The following BCAT1 variants were observed in gnomAD, a reference collection of about 807,000 sequenced individuals.
BCAT1 encodes branched-chain-amino-acid aminotransferase, cytosolic.
Under a neutral mutation model 52.4 loss-of-function variants are expected in BCAT1, and 48 were observed. That is an observed-to-expected ratio of 0.92 (90% CI 0.73 to 1.16). BCAT1 has a LOEUF of 1.16. BCAT1 is among the 50% of genes most tolerant of loss of function. The pLI is 0.00. For synonymous variants in BCAT1, 167 were observed against 161.3 expected, an observed-to-expected ratio of 1.04 and a Z score of -0.27; for missense variants, 451 against 457.1, an observed-to-expected ratio of 0.99 and a Z score of 0.12.
At chr12:24,877,747 A>C (rs886924551) in intron 5 of BCAT1, among the ~76,000 whole-genome samples, 1 of 152,200 alleles carries the variant, frequency 6.6e-6, no homozygotes, top group Non-Finnish European at 1.5e-5. Context: ...GAGGCACTGC[A>C]CTTGTAAACT....
intron 1 of BCAT1, among the ~76,000 whole-genome samples, chr12:24,931,296 G>A (rs1776479199): frequency 6.6e-6 from 1 of 152,078 alleles, no homozygotes; most frequent in African/African-American, 2.4e-5. Flanking sequence ...TAACATTGAT[G>A]AGATCTTTCT....
At chr12:24,910,190 A>G (rs1157693782) in intron 1 of BCAT1, among the ~76,000 whole-genome samples, 4 of 152,082 alleles carry the variant, frequency 2.6e-5, no homozygotes, top group Admixed American at 6.6e-5. Flanking sequence ...CCTGGCCAAC[A>G]TGGTGAAACC....
intron 1 of BCAT1, chr12:24,903,332 C>A: frequency 3.7e-6 from 1 of 273,566 alleles, no homozygotes. Context: ...GTTTATTAAA[C>A]AACCTCTAGG....
chr12:24,936,386 C>T, intron 1 of BCAT1, among the ~76,000 whole-genome samples: 1 of 152,196 alleles, frequency 6.6e-6, no homozygotes, highest in East Asian at 1.9e-4. Flanking sequence ...GCGTGCACCA[C>T]CACACCTGGC....
intron 1 of BCAT1, among the ~76,000 whole-genome samples, chr12:24,937,657 C>T (rs531464140): frequency 2.6e-5 from 4 of 152,090 alleles, no homozygotes; most frequent in African/African-American, 9.7e-5. Flanking sequence ...GATTACAGTG[C>T]TGGGGCTGTG....
chr12:24,940,971 C>T (rs1025768201), intron 1 of BCAT1, among the ~76,000 whole-genome samples: 10 of 152,178 alleles, frequency 6.6e-5, no homozygotes, highest in Non-Finnish European at 1.5e-4. Flanking sequence ...CATTAGTTTG[C>T]TTAAAAACTG....
At chr12:24,855,957 C>G (rs903656545) in intron 5 of BCAT1, among the ~76,000 whole-genome samples, 4 of 152,120 alleles carry the variant, frequency 2.6e-5, no homozygotes, top group Non-Finnish European at 5.9e-5. Context: ...CAAATATCCC[C>G]TTCCTTAAAC....
At chr12:24,883,398 C>T (rs4522264) in intron 3 of BCAT1, among the ~76,000 whole-genome samples, 86,074 of 151,820 alleles carry the variant, frequency 0.57, 24,773 homozygotes, top group East Asian at 0.77. Context: ...CTGAGGGTAG[C>T]GGTGTAAATT....
chr12:24,934,911 G>C (rs1180353268), intron 1 of BCAT1, among the ~76,000 whole-genome samples: 2 of 152,182 alleles, frequency 1.3e-5, no homozygotes, highest in Non-Finnish European at 2.9e-5. Flanking sequence ...GATACCAGCT[G>C]CTCTGGTTCT....
intron 1 of BCAT1, among the ~76,000 whole-genome samples, chr12:24,923,245 C>T (rs1943528604): frequency 6.6e-6 from 1 of 152,170 alleles, no homozygotes; most frequent in Non-Finnish European, 1.5e-5. Flanking sequence ...TTCAAGTTCC[C>T]AGACACCAGA....
chr12:24,868,012 A>C (rs1353212758), intron 5 of BCAT1, among the ~76,000 whole-genome samples: 2 of 152,258 alleles, frequency 1.3e-5, no homozygotes, highest in Admixed American at 6.5e-5. Context: ...CTCAATAAAC[A>C]AAAACAAAAA....
chr12:24,942,539 G>A (rs747624726), intron 1 of BCAT1, among the ~76,000 whole-genome samples: 12 of 134,640 alleles, frequency 8.9e-5, no homozygotes, highest in South Asian at 5.2e-4. Context: ...ACAAGACTCC[G>A]CCTCAAAAAA....
In BCAT1 at chr12:24,840,210, A is replaced by T. The variant is rs557833787; in HGVS notation, c.817+1872T>A. ...GACAGTTTCTGGTGTTTCTGGTTAA[A>T]TCATGTAGCTCTGATTCAGAGTGTA... On this transcript the variant is annotated intron_variant, in intron 7 of 10. Transcript: ENST00000261192. Among the ~76,000 whole-genome samples the T allele has an allele frequency of 2.0e-4, 30 of 152,348 alleles. 1 individual carries two copies. In the Middle Eastern group the frequency reaches 0.014, roughly 69 times the overall value.
rs753640702 is a variant in BCAT1, at chr12:24,829,857, G to C, written c.1085C>G (p.Ala362Gly). The stretch of plus-strand genomic sequence containing the variant: ...AGTTAATTTGCTCAAGATGCGGCTT[G>C]CCAGCTTAGGACCATTCTCCATAGT... ...IPTMENGPKL[A>G]SRILSKLTDI... The change falls in exon 10 of 11, where the codon GCA becomes GGA. Residue 362 changes from alanine to glycine, a missense_variant. Physicochemically the swap from Ala to Gly is moderately conservative, Grantham distance 60. Transcript: ENST00000261192. The C allele has an allele frequency of 1.2e-6, 2 of 1,611,094 alleles. No homozygotes were observed. The highest frequency in any genetic ancestry group is 1.1e-5 in the South Asian group (1 of 90,478).
At chr12:24,824,507 C>T (rs1416843726) in intron 10 of BCAT1, among the ~76,000 whole-genome samples, 1 of 152,020 alleles carries the variant, frequency 6.6e-6, no homozygotes, top group Non-Finnish European at 1.5e-5. Flanking sequence ...ACTATGTTGC[C>T]TAGGCTCGTC....
At chr12:24,857,994 G>A (rs1260253085) in intron 5 of BCAT1, among the ~76,000 whole-genome samples, 5 of 152,080 alleles carry the variant, frequency 3.3e-5, no homozygotes, top group Non-Finnish European at 7.4e-5. Flanking sequence ...ACTCCCAGAG[G>A]GGATGGGCTG....
At chr12:24,904,893 A>G (rs537101447) in intron 1 of BCAT1, among the ~76,000 whole-genome samples, 2 of 152,364 alleles carry the variant, frequency 1.3e-5, no homozygotes, top group African/African-American at 2.4e-5. Context: ...TAAAATTATA[A>G]CAAGTGCTGC....
At position 24,896,130 on chromosome 12, in the gene BCAT1, A is replaced by G. The variant is rs539803756; in HGVS notation, c.79-1655T>C. On this transcript the variant is annotated intron_variant, in intron 2 of 10. Coordinates refer to ENST00000261192, the MANE Select transcript of BCAT1 (RefSeq NM_005504.7). ...CGACCTCCCAAAGTTCTAAGATTAC[A>G]GGCATGAGCCACTGTGCCCAGCCTG... Among the ~76,000 whole-genome samples, 25 of 152,352 alleles carry G rather than the reference A, an allele frequency of 1.6e-4. No individual in the cohort carries two copies. In the South Asian group the frequency reaches 4.8e-3, roughly 29 times the overall value.
chr12:24,832,965 C>G, intron 8 of BCAT1, 102 bp from the exon 9 acceptor site: 1 of 1,238,126 alleles, frequency 8.1e-7, no homozygotes. Flanking sequence ...TGCACTTAGA[C>G]AAGGTCACAA....
Sources: gnomAD v4.1 joint callset for allele counts (sites outside exome capture counted in the v4.1 genomes callset) on GRCh38, gnomAD v4.1.1 for gene constraint, MANE v1.5 for transcripts, NCBI Gene and HGNC (gene_info 2026-07-23, HGNC 2026-07-21) for gene names.